The following ENKUR variants were observed in gnomAD, a reference collection of about 807,000 sequenced individuals.
The protein encoded by ENKUR is enkurin.
ENKUR carries 19 observed loss-of-function variants against 27.6 expected under a neutral mutation model. The observed-to-expected ratio is 0.69, with a 90% CI of 0.48 to 1.01. The LOEUF (loss-of-function observed/expected upper bound fraction) is 1.01, where lower values mean the gene tolerates loss of function less well. Among genes scored for constraint, ENKUR ranks in the 50% least tolerant of loss-of-function variants. The pLI, the probability that ENKUR is intolerant of heterozygous loss-of-function variation, is 0.00. For synonymous variants in ENKUR, 117 were observed against 96.9 expected, an observed-to-expected ratio of 1.21 and a Z score of -1.22; for missense variants, 312 against 310.5, an observed-to-expected ratio of 1.00 and a Z score of -0.04.
rs78131600 is a variant in ENKUR at position 25,025,199 on chromosome 10, C to T, written c.38-29330G>A. 739 of 1,614,162 alleles carry T rather than the reference C, an allele frequency of 4.6e-4. 7 individuals carry two copies. The East Asian group carries it at 0.014, about 30-fold the overall frequency. ...GATAGGGTGCAAGACAAAACTTGCC[C>T]TGTGATTATCTCATCTACAGCCCAT... On this transcript the variant is annotated intron_variant, in intron 2 of 5. Transcript: ENST00000615958.
Position 25,059,693 on chromosome 10 carries a change from C to T in ENKUR, c.37+1419G>A, listed in dbSNP as rs560086783. Among the ~76,000 whole-genome samples the T allele has an allele frequency of 1.9e-4, 29 of 152,220 alleles. No individual in the cohort carries two copies. In the South Asian group the frequency reaches 5.8e-3, roughly 30 times the overall value. ...TTTTAGGGCCAGGCATGGTGGCTCACGCCTGTAAGCCTGGAACTTTGGGAG... is the reference window on the plus strand; with the variant it reads ...TTTTAGGGCCAGGCATGGTGGCTCATGCCTGTAAGCCTGGAACTTTGGGAG... On this transcript the variant is annotated intron_variant, in intron 2 of 5. Coordinates refer to the ENKUR transcript ENST00000615958.
intron 2 of ENKUR, among the ~76,000 whole-genome samples, chr10:25,028,668 C>G (rs1413859432): frequency 6.6e-6 from 1 of 152,170 alleles, no homozygotes; most frequent in Non-Finnish European, 1.5e-5. Flanking sequence ...ACAGAGTTAT[C>G]TACATACATG....
chr10:25,034,262 GCACTA>G (rs1850976041), intron 2 of ENKUR, among the ~76,000 whole-genome samples: 2 of 152,014 alleles, frequency 1.3e-5, no homozygotes, highest in Non-Finnish European at 2.9e-5. Context: ...TCCTACCACT[GCACTA>G]TGTGGCAAAC....
chr10:25,004,085 G>C (rs914309694), intron 1 of ENKUR, among the ~76,000 whole-genome samples: 1 of 152,186 alleles, frequency 6.6e-6, no homozygotes, highest in Admixed American at 6.5e-5. Context: ...ACACATCCAT[G>C]TCCCTGCAAA....
intron 2 of ENKUR, among the ~76,000 whole-genome samples, chr10:25,044,750 C>G (rs1172391874): frequency 6.6e-6 from 1 of 152,336 alleles, no homozygotes; most frequent in East Asian, 1.9e-4. Context: ...ATGCTAAAAG[C>G]TCTGCTCAGT....
intron 1 of ENKUR, among the ~76,000 whole-genome samples, chr10:25,011,399 T>C (rs2132720801): frequency 6.6e-6 from 1 of 152,278 alleles, no homozygotes; most frequent in South Asian, 2.1e-4. Flanking sequence ...GTAGGTTGCC[T>C]ATTCACTCTG....
intron 1 of ENKUR, among the ~76,000 whole-genome samples, chr10:25,009,991 G>A (rs192655855): frequency 2.0e-5 from 3 of 152,210 alleles, no homozygotes; most frequent in Admixed American, 1.3e-4. Flanking sequence ...GGTACCAGTA[G>A]AGTGGGATGC....
At chr10:25,055,491 C>A (rs1227680911) in intron 2 of ENKUR, among the ~76,000 whole-genome samples, 2 of 142,830 alleles carry the variant, frequency 1.4e-5, no homozygotes, top group South Asian at 2.4e-4. Flanking sequence ...GTAGTATAAT[C>A]TCTCTCCACA....
At chr10:25,036,100 T>C (rs1279184623) in intron 2 of ENKUR, among the ~76,000 whole-genome samples, 1 of 152,132 alleles carries the variant, frequency 6.6e-6, no homozygotes, top group Admixed American at 6.5e-5. Flanking sequence ...TAATTAGGTA[T>C]TTGGTTTCTG....
At chr10:25,013,917 G>A (rs944736305) in intron 1 of ENKUR, among the ~76,000 whole-genome samples, 8 of 151,800 alleles carry the variant, frequency 5.3e-5, no homozygotes, top group Non-Finnish European at 1.0e-4. Flanking sequence ...ACTCCAGCCT[G>A]GGCAAAAAGA....
At position 25,023,642 on chromosome 10, in the gene ENKUR, C is replaced by T. The variant is rs79027216; in HGVS notation, c.38-27773G>A. The stretch of plus-strand genomic sequence containing the variant: ...ACTGGGTCCAATCCAATGCATGATG[C>T]TAGCATGTGGCATCTGAAGAAAAAT... On this transcript the variant is annotated intron_variant, in intron 2 of 5. Transcript: ENST00000615958. 48 of 1,614,140 alleles carry T rather than the reference C, an allele frequency of 3.0e-5. No individual in the cohort carries two copies. The East Asian group carries it at 1.1e-3, about 36-fold the overall frequency.
Position 25,016,150 on chromosome 10 carries a change from G to A in ENKUR, c.-214C>T, listed in dbSNP as rs142760402. ...ATTTCTCTCCGGATTGCTAAGCGTC[G>A]TTGACTGTGCGGTTGCCGTGGAAAC... On this transcript the variant is annotated 5_prime_UTR_variant, in exon 1 of 6. In the 5' UTR this introduces an upstream ATG that the reference lacks. Coordinates refer to ENST00000331161, the MANE Select transcript of ENKUR (RefSeq NM_145010.4). The A allele has an allele frequency of 1.9e-5, 23 of 1,218,250 alleles. No individual in the cohort carries two copies. The Admixed American group carries it at 6.1e-4, about 32-fold the overall frequency. The allele number at this position is 1,218,250 out of a possible 1,614,324, so 75.5% of individuals were successfully genotyped here. A position where few individuals can be genotyped will look rare whatever the true frequency, so the allele number is the denominator to read the frequency against.
intron 2 of ENKUR, among the ~76,000 whole-genome samples, chr10:25,028,365 A>G (rs1266198477): frequency 1.3e-5 from 2 of 152,158 alleles, no homozygotes; most frequent in East Asian, 1.9e-4. Context: ...TGTTTGCTGC[A>G]TCCATTTCTG....
intron 2 of ENKUR, 26 bp from the exon 3 acceptor site, chr10:24,995,895 AAT>A: frequency 3.2e-6 from 5 of 1,562,430 alleles, no homozygotes; most frequent in Non-Finnish European, 4.4e-6. Context: ...TTTCTTTGTT[AAT>A]ATTAAACTAC....
At chr10:24,996,276 G>A (rs1588653257) in intron 2 of ENKUR, among the ~76,000 whole-genome samples, 1 of 152,126 alleles carries the variant, frequency 6.6e-6, no homozygotes, top group South Asian at 2.1e-4. Context: ...TGCAAAGTTA[G>A]CCAAGCATGA....
At chr10:25,033,083 AGTTG>A (rs1692582135) in intron 2 of ENKUR, among the ~76,000 whole-genome samples, 1 of 152,180 alleles carries the variant, frequency 6.6e-6, no homozygotes, top group African/African-American at 2.4e-5. Flanking sequence ...AATATTTCTA[AGTTG>A]GTTCATTAAA....
chr10:25,012,339 G>C (rs1443665384), intron 1 of ENKUR, among the ~76,000 whole-genome samples: 5 of 152,242 alleles, frequency 3.3e-5, no homozygotes, highest in Non-Finnish European at 7.3e-5. Flanking sequence ...GGAGCTGTGA[G>C]AAGAGGGCCA....
At chr10:25,015,356 T>G (rs1850543400) in intron 1 of ENKUR, among the ~76,000 whole-genome samples, 1 of 152,204 alleles carries the variant, frequency 6.6e-6, no homozygotes, top group African/African-American at 2.4e-5. Context: ...ATATTTCGTT[T>G]CACTGATCAA....
chr10:25,016,656 C>G (rs527852587), upstream of ENKUR: 1 of 152,480 alleles, frequency 6.6e-6, no homozygotes, highest in African/African-American at 2.4e-5. Flanking sequence ...GGCGCAGAGT[C>G]CACTGCGCGG....
Sources: allele counts gnomAD v4.1 joint callset (sites outside exome capture counted in the v4.1 genomes callset), GRCh38; gene constraint gnomAD v4.1.1; transcripts MANE v1.5; gene names NCBI Gene and HGNC (gene_info 2026-07-23, HGNC 2026-07-21).